Variants in MSRA observed in about 807,000 individuals in gnomAD.
MSRA encodes the protein methionine sulfoxide reductase A.
MSRA carries 54 observed loss-of-function variants against 31.3 expected under a neutral mutation model. That is an observed-to-expected ratio of 1.73 (90% CI 1.39 to 2.17). The LOEUF (loss-of-function observed/expected upper bound fraction) is 2.17. MSRA is among the 30% of genes most tolerant of loss of function. The pLI, the probability that MSRA is intolerant of heterozygous loss-of-function variation, is 0.00. For synonymous variants in MSRA, 169 were observed against 116.5 expected, an observed-to-expected ratio of 1.45 and a Z score of -2.90; for missense variants, 507 against 300.9, an observed-to-expected ratio of 1.69 and a Z score of -5.07.
intron 5 of MSRA, among the ~76,000 whole-genome samples, chr8:10,330,736 G>A (rs893980208): frequency 6.6e-6 from 1 of 152,218 alleles, no homozygotes; most frequent in African/African-American, 2.4e-5. Context: ...CCATTCACCT[G>A]TGTGTCCCCA....
rs112709045 is a variant in MSRA, at chr8:10,255,499, C to T, written c.331+10276C>T. Among the ~76,000 whole-genome samples, 1,420 of 152,236 alleles carry T rather than the reference C, an allele frequency of 9.3e-3. 13 individuals carry two copies. The highest frequency in any genetic ancestry group is 0.013 in the South Asian group (65 of 4,822). ...AAAGCTGTCCCTTCCCCCTCGGTCCCGGCAGGTAAGGAGCTGCTGGCGACT... is the reference window on the plus strand; with the variant it reads ...AAAGCTGTCCCTTCCCCCTCGGTCCTGGCAGGTAAGGAGCTGCTGGCGACT... On this transcript the variant is annotated intron_variant, in intron 3 of 5. Coordinates refer to ENST00000317173, the MANE Select transcript of MSRA (RefSeq NM_012331.5).
chr8:10,266,745 A>G (rs991222962), intron 3 of MSRA, among the ~76,000 whole-genome samples: 3 of 152,294 alleles, frequency 2.0e-5, no homozygotes, highest in South Asian at 2.1e-4. Flanking sequence ...ATTAATTTTT[A>G]TATATAGTGC....
chr8:10,344,236 C>G (rs1563374368), intron 5 of MSRA, among the ~76,000 whole-genome samples: 1 of 152,120 alleles, frequency 6.6e-6, no homozygotes, highest in South Asian at 2.1e-4. Context: ...TTCCTTCACC[C>G]CATCTGTACG....
At chr8:10,106,968 C>A (rs1328091829) in intron 1 of MSRA, among the ~76,000 whole-genome samples, 1 of 152,116 alleles carries the variant, frequency 6.6e-6, no homozygotes, top group Non-Finnish European at 1.5e-5. Context: ...ACCATCTACC[C>A]CATCCGTCCA....
intron 3 of MSRA, among the ~76,000 whole-genome samples, chr8:10,273,368 A>G (rs1799145115): frequency 6.6e-6 from 1 of 152,196 alleles, no homozygotes; most frequent in African/African-American, 2.4e-5. Flanking sequence ...TCACTTAGAC[A>G]TTAGTTACTT....
intron 3 of MSRA, 147 bp downstream of exon 3, chr8:10,245,370 C>T (rs974193044): frequency 3.2e-5 from 24 of 746,296 alleles, no homozygotes. Flanking sequence ...TACTTGTGAG[C>T]TTCTCACTTT....
intron 1 of MSRA, among the ~76,000 whole-genome samples, chr8:10,069,946 T>G (rs552589357): frequency 6.6e-6 from 1 of 152,276 alleles, no homozygotes; most frequent in African/African-American, 2.4e-5. Context: ...CTCTTTAACG[T>G]TGAAATATTG....
At chr8:10,097,740 T>G (rs1799272138) in intron 1 of MSRA, among the ~76,000 whole-genome samples, 2 of 152,160 alleles carry the variant, frequency 1.3e-5, no homozygotes, top group African/African-American at 4.8e-5. Context: ...ATCCAAACTA[T>G]TTCATGTCCA....
At chr8:10,111,482 T>G (rs1165718250) in intron 1 of MSRA, among the ~76,000 whole-genome samples, 1 of 152,212 alleles carries the variant, frequency 6.6e-6, no homozygotes, top group Non-Finnish European at 1.5e-5. Context: ...TTATGATTTG[T>G]CGATCTTTTC....
chr8:10,089,601 A>G (rs1798758809), intron 1 of MSRA, among the ~76,000 whole-genome samples: 2 of 152,214 alleles, frequency 1.3e-5, no homozygotes, highest in Non-Finnish European at 2.9e-5. Flanking sequence ...GTTGCTATAA[A>G]GGAATACTTG....
intron 1 of MSRA, among the ~76,000 whole-genome samples, chr8:10,081,739 C>G (rs1798304337): frequency 6.6e-6 from 1 of 152,144 alleles, no homozygotes. Context: ...ATCTGCCTGC[C>G]TCGGCCTCCC....
In MSRA at chr8:10,211,355, C is replaced by G. The variant is rs191223315; in HGVS notation, c.211+3454C>G. Among the ~76,000 whole-genome samples the G allele has an allele frequency of 1.5e-3, 223 of 152,274 alleles. 1 individual carries two copies. The highest frequency in any genetic ancestry group is 3.3e-3 in the Admixed American group (51 of 15,298). ...TTTTTCTCCTGGTCTCCTTTTCTCTCTGGTTTTTCTGCCCCCATCATTCTT... is the reference window on the plus strand; with the variant it reads ...TTTTTCTCCTGGTCTCCTTTTCTCTGTGGTTTTTCTGCCCCCATCATTCTT... On this transcript the variant is annotated intron_variant, in intron 2 of 5. Transcript: ENST00000317173.
At chr8:10,074,936 G>C (rs814408) in intron 1 of MSRA, among the ~76,000 whole-genome samples, 1 of 152,070 alleles carries the variant, frequency 6.6e-6, no homozygotes, top group Admixed American at 6.5e-5. Context: ...TGGGATTACA[G>C]GTGTGAGCCA....
chr8:10,226,523 A>G (rs983140619), intron 2 of MSRA, among the ~76,000 whole-genome samples: 2 of 152,166 alleles, frequency 1.3e-5, no homozygotes, highest in African/African-American at 4.8e-5. Context: ...CTGCAGTGTC[A>G]TGGTCATTGG....
intron 1 of MSRA, among the ~76,000 whole-genome samples, chr8:10,061,240 A>G (rs1346811768): frequency 1.3e-5 from 2 of 152,246 alleles, no homozygotes; most frequent in African/African-American, 4.8e-5. Context: ...TCACACGACC[A>G]TACCCATAGC....
intron 3 of MSRA, among the ~76,000 whole-genome samples, chr8:10,291,576 C>T (rs542329552): frequency 5.3e-5 from 8 of 151,934 alleles, no homozygotes; most frequent in East Asian, 3.9e-4. Flanking sequence ...GAGATGAAAC[C>T]GAGCTGACAT....
chr8:10,254,308 C>G (rs1798066921), intron 3 of MSRA, among the ~76,000 whole-genome samples: 1 of 152,150 alleles, frequency 6.6e-6, no homozygotes, highest in Non-Finnish European at 1.5e-5. Flanking sequence ...CTCTTTCTTT[C>G]TTGACGTTTC....
At chr8:10,341,702 A>C (rs558306387) in intron 5 of MSRA, among the ~76,000 whole-genome samples, 22 of 152,196 alleles carry the variant, frequency 1.4e-4, no homozygotes, top group Non-Finnish European at 2.5e-4. Flanking sequence ...CCTAATCTAT[A>C]AAATGTAGCT....
intron 2 of MSRA, among the ~76,000 whole-genome samples, chr8:10,211,621 C>T (rs1012400312): frequency 3.3e-5 from 5 of 152,196 alleles, no homozygotes; most frequent in Admixed American, 6.5e-5. Flanking sequence ...TTAGAGCGCC[C>T]GCCCTGTGTA....
Sources: allele counts gnomAD v4.1 joint callset (sites outside exome capture counted in the v4.1 genomes callset), GRCh38; gene constraint gnomAD v4.1.1; transcripts MANE v1.5; gene names NCBI Gene and HGNC (gene_info 2026-07-23, HGNC 2026-07-21).